PLCE1: variants seen among roughly 807,000 people sequenced by gnomAD.
PLCE1 encodes 1-phosphatidylinositol 4,5-bisphosphate phosphodiesterase epsilon-1.
A neutral mutation model predicts 242.8 loss-of-function variants in PLCE1; 119 were observed. The observed-to-expected ratio is 0.49, with a 90% CI of 0.42 to 0.57. The LOEUF (loss-of-function observed/expected upper bound fraction) is 0.57, where lower values mean the gene tolerates loss of function less well. Ranked by LOEUF, PLCE1 falls within the 20% of genes least tolerant of loss-of-function variation. PLCE1 has a pLI of 0.00. For synonymous variants in PLCE1, 945 were observed against 1,017.4 expected (o/e 0.93, Z 1.35); for missense variants, 2,441 against 2,788.8 (o/e 0.88, Z 2.81).
At chr10:94,057,893 T>C (rs1213815806) in intron 2 of PLCE1, among the ~76,000 whole-genome samples, 3 of 152,224 alleles carry the variant, frequency 2.0e-5, no homozygotes, top group African/African-American at 7.2e-5. Flanking sequence ...CTTCTCCTAC[T>C]TTCTATTCAT....
chr10:94,037,411 C>A (rs1471701111), intron 2 of PLCE1, among the ~76,000 whole-genome samples: 2 of 152,136 alleles, frequency 1.3e-5, no homozygotes, highest in Non-Finnish European at 2.9e-5. Flanking sequence ...GTTGAGATAG[C>A]AACATGTCTT....
chr10:94,085,748 G>C (rs1409715767), intron 2 of PLCE1, among the ~76,000 whole-genome samples: 3 of 152,162 alleles, frequency 2.0e-5, no homozygotes, highest in African/African-American at 7.2e-5. Context: ...CTGAATGCCA[G>C]AACGGCCACT....
chr10:94,034,591 C>G (rs1313761200), intron 2 of PLCE1, among the ~76,000 whole-genome samples: 2 of 152,094 alleles, frequency 1.3e-5, no homozygotes, highest in Non-Finnish European at 2.9e-5. Flanking sequence ...GAATTCTGTT[C>G]GTTTCAGCAT....
intron 2 of PLCE1, among the ~76,000 whole-genome samples, chr10:94,052,018 T>C (rs1475282175): frequency 6.6e-6 from 1 of 152,246 alleles, no homozygotes; most frequent in Non-Finnish European, 1.5e-5. Context: ...TTTCAGCTCC[T>C]TCGGGGCATG....
chr10:94,236,099 T>G lies in PLCE1; in HGVS notation c.2399T>G (p.Leu800Trp). ...SEGNSSRKSS[L>W]KDKSRWQFII... is the part of the protein sequence containing the mutation. Reference sequence around the variant, plus strand: ...GGAAACAGCTCCAGGAAAAGCTCCTTGAAGGATAAAAGCCGATGGCAGTAA... The same window carrying G: ...GGAAACAGCTCCAGGAAAAGCTCCTGGAAGGATAAAAGCCGATGGCAGTAA... The change falls in exon 7 of 33, where the codon TTG becomes TGG. Residue 800 changes from leucine to tryptophan, a missense_variant. Coordinates refer to ENST00000371380, the MANE Select transcript of PLCE1 (RefSeq NM_016341.4). 6.2e-7 allele frequency: 1 copy of G among 1,613,758 alleles called. No homozygotes were observed. The highest frequency in any genetic ancestry group is 8.5e-7 in the Non-Finnish European group (1 of 1,179,864).
intron 1 of PLCE1, among the ~76,000 whole-genome samples, chr10:94,026,881 G>T (rs2061460910): frequency 6.6e-6 from 1 of 152,204 alleles, no homozygotes; most frequent in East Asian, 1.9e-4. Flanking sequence ...GACCTTGGTT[G>T]TTCTTTCTTA....
chr10:94,262,454 C>A, intron 13 of PLCE1, 40 bp from the exon 14 acceptor site: 1 of 1,346,146 alleles, frequency 7.4e-7, no homozygotes, highest in Non-Finnish European at 1.1e-6. Flanking sequence ...GCAAAAGATG[C>A]TGGCTATCTT....
Position 94,298,593 on chromosome 10 carries a change from C to T in PLCE1, c.5382C>T (p.Ile1794=), listed in dbSNP as rs372119112. The change falls in exon 24 of 33, where the codon ATC becomes ATT. Residue 1794 remains isoleucine (I), a synonymous_variant. Transcript: ENST00000371380. The surrounding 1 kb of genome is among the most constrained non-coding windows in gnomAD (Gnocchi z 5.2). ...LLRTYPAATR[I]DSSNPNPLMF... is the part of the protein sequence containing the mutation. The stretch of plus-strand genomic sequence containing the variant: ...GAACTTACCCTGCTGCCACCCGCAT[C>T]GACTCTTCCAACCCGAACCCCCTCA... 1.2e-5 allele frequency: 20 copies of T among 1,614,094 alleles called. No individual in the cohort carries two copies. The highest frequency in any genetic ancestry group is 5.0e-5 in the Admixed American group (3 of 60,008).
At chr10:94,286,559 AT>A (rs1319658174) in intron 22 of PLCE1, among the ~76,000 whole-genome samples, 1 of 152,230 alleles carries the variant, frequency 6.6e-6, no homozygotes, top group Admixed American at 6.5e-5. Context: ...ATTTAATGAT[AT>A]GATAAAAATC....
chr10:94,242,492 G>GT (rs1475227981), intron 7 of PLCE1, among the ~76,000 whole-genome samples: 1 of 152,056 alleles, frequency 6.6e-6, no homozygotes, highest in Non-Finnish European at 1.5e-5. Context: ...TGTATTTTTA[G>GT]TAGAGACGGG....
chr10:94,048,395 C>A (rs987738592), intron 2 of PLCE1, among the ~76,000 whole-genome samples: 5 of 151,960 alleles, frequency 3.3e-5, no homozygotes, highest in African/African-American at 1.2e-4. Flanking sequence ...ACCCCCCAAC[C>A]CTTGCCACTA....
At chr10:94,150,818 G>A (rs1271162231) in intron 3 of PLCE1, among the ~76,000 whole-genome samples, 1 of 152,176 alleles carries the variant, frequency 6.6e-6, no homozygotes, top group African/African-American at 2.4e-5. Flanking sequence ...AAGCCCTGGG[G>A]AGGCCTCTGG....
At chr10:94,170,506 T>G (rs1294121838) in intron 3 of PLCE1, among the ~76,000 whole-genome samples, 1 of 152,252 alleles carries the variant, frequency 6.6e-6, no homozygotes, top group African/African-American at 2.4e-5. Flanking sequence ...CTCTGTCACC[T>G]TCTTGCTACC....
At chr10:94,247,438 T>C (rs1030687881) in intron 8 of PLCE1, among the ~76,000 whole-genome samples, 2 of 152,132 alleles carry the variant, frequency 1.3e-5, no homozygotes, top group African/African-American at 4.8e-5. Context: ...CAGGTTTCAA[T>C]GGAAAGCATT....
chr10:94,044,268 G>T (rs562803054), intron 2 of PLCE1, among the ~76,000 whole-genome samples: 1 of 152,280 alleles, frequency 6.6e-6, no homozygotes, highest in Non-Finnish European at 1.5e-5. Context: ...CCCTTTCCAA[G>T]GAATCACCTT....
At chr10:94,201,983 T>C (rs958829219) in intron 4 of PLCE1, among the ~76,000 whole-genome samples, 1 of 152,146 alleles carries the variant, frequency 6.6e-6, no homozygotes, top group African/African-American at 2.4e-5. Context: ...TCATTCAAAA[T>C]ATGAGGCACA....
chr10:94,068,786 G>A (rs927334098), intron 2 of PLCE1, among the ~76,000 whole-genome samples: 2 of 152,212 alleles, frequency 1.3e-5, no homozygotes, highest in African/African-American at 2.4e-5. Context: ...ATAATTAGTA[G>A]AGACAGGATG....
rs750715785 is a variant in PLCE1, at chr10:94,227,398, CT to C, written c.1903del (p.Cys635AlafsTer23). ...CATATTTGGTGCATGTGGCCAAATG[CT>C]GCTGGAACATGGGCAACTACAACGC... ...FSYLVHVAKC[C>X]WNMGNYNAVM... On this transcript the variant is annotated frameshift_variant, in exon 5 of 33. Coordinates refer to ENST00000371380, the MANE Select transcript of PLCE1 (RefSeq NM_016341.4). LOFTEE classifies it high-confidence loss of function. 6.2e-7 allele frequency: 1 copy of C among 1,613,748 alleles called. No homozygotes were observed. The highest frequency in any genetic ancestry group is 1.3e-5 in the African/African-American group (1 of 74,884).
At chr10:94,115,722 A>T (rs1202398621) in intron 2 of PLCE1, among the ~76,000 whole-genome samples, 38 of 152,036 alleles carry the variant, frequency 2.5e-4, no homozygotes. Flanking sequence ...TTGCCTGTTC[A>T]CTCTGATGGT....
Sources: gnomAD v4.1 joint callset for allele counts (sites outside exome capture counted in the v4.1 genomes callset) on GRCh38, gnomAD v4.1.1 for gene constraint, Gnocchi (gnomAD v3.1) non-coding constraint, MANE v1.5 for transcripts, NCBI Gene and HGNC (gene_info 2026-07-23, HGNC 2026-07-21) for gene names.